The following SOX5 variants were observed in gnomAD, a reference collection of about 807,000 sequenced individuals.
The protein encoded by SOX5 is transcription factor SOX-5.
A neutral mutation model predicts 92.0 loss-of-function variants in SOX5; 9 were observed. The observed-to-expected ratio is 0.10, with a 90% CI of 0.06 to 0.17. The LOEUF (loss-of-function observed/expected upper bound fraction) is 0.17, where lower values mean the gene tolerates loss of function less well. Ranked by LOEUF, SOX5 falls within the 10% of genes least tolerant of loss-of-function variation. The probability of loss-of-function intolerance (pLI) is 1.00; values close to 1 mark genes in which losing one functional copy is unlikely to be tolerated. For missense variants in SOX5, 642 were observed against 944.5 expected, an observed-to-expected ratio of 0.68 and a Z score of 4.20; for synonymous variants, 344 against 336.3, an observed-to-expected ratio of 1.02 and a Z score of -0.25.
chr12:23,626,953 C>G (rs2077902344), intron 8 of SOX5, among the ~76,000 whole-genome samples: 1 of 152,124 alleles, frequency 6.6e-6, no homozygotes, highest in Non-Finnish European at 1.5e-5. Flanking sequence ...AATAACGGAA[C>G]ACCGGGCATA....
chr12:23,615,685 CT>C (rs35412273), intron 8 of SOX5, among the ~76,000 whole-genome samples: 77,882 of 152,010 alleles, frequency 0.51, 20,709 homozygotes, highest in African/African-American at 0.65. Flanking sequence ...CGATCTCATT[CT>C]TTTTTTATGG....
chr12:24,007,230 T>C (rs190111687), intron 4 of SOX5, among the ~76,000 whole-genome samples: 3,872 of 8,596 alleles, frequency 0.45, 1,411 homozygotes, highest in South Asian at 0.88. Context: ...TATATAAATG[T>C]ATTTATATAT....
At chr12:23,650,136 G>A (rs981213876) in intron 7 of SOX5, among the ~76,000 whole-genome samples, 6 of 152,062 alleles carry the variant, frequency 3.9e-5, no homozygotes, top group Non-Finnish European at 7.4e-5. Flanking sequence ...TCTTAATCAA[G>A]TGAGGAGGAT....
chr12:24,233,031 T>C (rs1963727464), intron 3 of SOX5, among the ~76,000 whole-genome samples: 1 of 152,142 alleles, frequency 6.6e-6, no homozygotes, highest in Non-Finnish European at 1.5e-5. Context: ...ACACCTGAAG[T>C]TTTTGAGTAG....
chr12:24,191,220 C>A (rs527362935), intron 4 of SOX5, among the ~76,000 whole-genome samples: 14 of 152,282 alleles, frequency 9.2e-5, no homozygotes, highest in African/African-American at 3.4e-4. Context: ...ATTGTTTGGC[C>A]CCAAAGCCAG....
At chr12:23,676,406 T>C (rs1446023209) in intron 6 of SOX5, among the ~76,000 whole-genome samples, 3 of 152,206 alleles carry the variant, frequency 2.0e-5, no homozygotes, top group Non-Finnish European at 4.4e-5. Flanking sequence ...AGCTACACTT[T>C]ATACTCAAGA....
At chr12:24,025,370 T>C (rs1168740402) in intron 4 of SOX5, among the ~76,000 whole-genome samples, 1 of 152,082 alleles carries the variant, frequency 6.6e-6, no homozygotes, top group Non-Finnish European at 1.5e-5. Flanking sequence ...GTTTGAAGGT[T>C]ATGTAAACAA....
intron 1 of SOX5, among the ~76,000 whole-genome samples, chr12:24,486,640 G>A (rs772619311): frequency 6.6e-6 from 1 of 152,152 alleles, no homozygotes; most frequent in South Asian, 2.1e-4. Context: ...ATGACTTAAA[G>A]CTAGTTAAAA....
At chr12:23,936,405 T>C (rs1041514276) in intron 1 of SOX5, among the ~76,000 whole-genome samples, 2 of 150,986 alleles carry the variant, frequency 1.3e-5, no homozygotes, top group African/African-American at 2.4e-5. Flanking sequence ...TGTAACTCCA[T>C]GGAAGTTTGA....
chr12:23,646,741 G>A (rs1017971784), intron 7 of SOX5, among the ~76,000 whole-genome samples: 13 of 152,170 alleles, frequency 8.5e-5, no homozygotes, highest in African/African-American at 3.1e-4. Flanking sequence ...TCATTCATAA[G>A]AAGAAACTCC....
At chr12:23,877,733 C>A (rs1238204656) in intron 2 of SOX5, among the ~76,000 whole-genome samples, 1 of 151,952 alleles carries the variant, frequency 6.6e-6, no homozygotes, top group African/African-American at 2.4e-5. Flanking sequence ...GATTTCACTG[C>A]AGAACCTTTT....
At chr12:24,261,248 T>G (rs947358045) in intron 3 of SOX5, among the ~76,000 whole-genome samples, 8 of 152,158 alleles carry the variant, frequency 5.3e-5, no homozygotes, top group Non-Finnish European at 7.3e-5. Flanking sequence ...TTTGTAGTAC[T>G]CCAGTCAATG....
chr12:23,760,635 A>G (rs12302931), intron 3 of SOX5, among the ~76,000 whole-genome samples: 50 of 152,034 alleles, frequency 3.3e-4, no homozygotes, highest in African/African-American at 1.2e-3. Context: ...TGTGCCAGCC[A>G]TTGTTACAAC....
In SOX5 at chr12:24,259,921, TGAA is replaced by T. The variant is rs145485134; in HGVS notation, c.-77+17292_-77+17294del. ...TTCATTATTTACAGAAAAGTCATCTTGAAGAAGTTTGATGTTGGATTTGATTTT... is the reference window on the plus strand; with the variant it reads ...TTCATTATTTACAGAAAAGTCATCTTGAAGTTTGATGTTGGATTTGATTTT... On this transcript the variant is annotated intron_variant, in intron 3 of 4. Coordinates refer to the SOX5 transcript ENST00000446891. Among the ~76,000 whole-genome samples, 401 of 152,282 alleles carry T rather than the reference TGAA, an allele frequency of 2.6e-3. 2 individuals carry two copies. Among genetic ancestry groups the T allele is most frequent in the African/African-American group, 9.4e-3 (390 of 41,550 alleles).
chr12:24,192,333 T>C (rs1310407529), intron 4 of SOX5, among the ~76,000 whole-genome samples: 1 of 152,186 alleles, frequency 6.6e-6, no homozygotes, highest in East Asian at 1.9e-4. Context: ...ATTTTTCTTG[T>C]TGTATAAATA....
chr12:24,421,217 G>A (rs1266027162), intron 1 of SOX5, among the ~76,000 whole-genome samples: 1 of 152,112 alleles, frequency 6.6e-6, no homozygotes, highest in Non-Finnish European at 1.5e-5. Flanking sequence ...GATTGTTCAC[G>A]CCTTCTACTT....
intron 4 of SOX5, among the ~76,000 whole-genome samples, chr12:24,015,594 C>T (rs1953497225): frequency 6.6e-6 from 1 of 152,072 alleles, no homozygotes; most frequent in African/African-American, 2.4e-5. Context: ...ATCTCCATTG[C>T]GCTAATACAC....
chr12:24,114,642 A>G (rs1947786766), intron 4 of SOX5, among the ~76,000 whole-genome samples: 2 of 150,954 alleles, frequency 1.3e-5, no homozygotes, highest in African/African-American at 2.4e-5. Context: ...TTTATAAAAT[A>G]GTATTCTGGC....
In SOX5 at chr12:24,253,665, T is replaced by C. The variant is rs1940604929; in HGVS notation, c.-77+23551A>G. On this transcript the variant is annotated intron_variant, in intron 3 of 4. Transcript: ENST00000446891. ...TGCAGAAGGAATGTGGCGCACATTGTAAAGTGAAAATTTTAAGACATTCTG... is the reference window on the plus strand; with the variant it reads ...TGCAGAAGGAATGTGGCGCACATTGCAAAGTGAAAATTTTAAGACATTCTG... Among the ~76,000 whole-genome samples the C allele has an allele frequency of 2.0e-5, 3 of 152,284 alleles. No homozygotes were observed. The South Asian group carries it at 6.2e-4, about 32-fold the overall frequency.
Sources: gnomAD v4.1 joint callset for allele counts (sites outside exome capture counted in the v4.1 genomes callset) on GRCh38, gnomAD v4.1.1 for gene constraint, MANE v1.5 for transcripts, NCBI Gene and HGNC (gene_info 2026-07-23, HGNC 2026-07-21) for gene names.